Variants in CWF19L2 observed in about 807,000 individuals in gnomAD.
CWF19L2 encodes CWF19-like protein 2.
In CWF19L2, 98 loss-of-function variants were observed where a neutral mutation model predicts 111.7. The ratio of observed to expected loss-of-function variants is 0.88; its 90% CI spans 0.75 to 1.04. The LOEUF is 1.04. CWF19L2 is among the 50% of genes least tolerant of loss of function. CWF19L2 has a pLI of 0.00. For missense variants in CWF19L2, 1,101 were observed against 1,051.4 expected, an observed-to-expected ratio of 1.05 and a Z score of -0.65; for synonymous variants, 351 against 342.9, an observed-to-expected ratio of 1.02 and a Z score of -0.26.
intron 13 of CWF19L2, among the ~76,000 whole-genome samples, chr11:107,352,223 C>T (rs1860165681): frequency 6.6e-6 from 1 of 152,106 alleles, no homozygotes; most frequent in Non-Finnish European, 1.5e-5. Flanking sequence ...CATACTTCTT[C>T]CAGAAAGCCT....
rs953691512 is a variant in CWF19L2 at position 107,371,779 on chromosome 11, C to T, written c.1873-18043G>A. Among the ~76,000 whole-genome samples, 39 of 136,746 alleles carry T rather than the reference C, an allele frequency of 2.9e-4. 11 individuals are homozygous for T. Among genetic ancestry groups the T allele is most frequent in the African/African-American group, 1.1e-3 (37 of 34,106 alleles). The allele number at this position is 136,746 out of a possible 152,430, so 89.7% of individuals were successfully genotyped here. ...TGAAGATGACAATTTCTCCGCAGCT[C>T]GGTCATTGCTGTCACCATTCTGACA... On this transcript the variant is annotated intron_variant, in intron 12 of 17. Coordinates refer to ENST00000282251, the MANE Select transcript of CWF19L2 (RefSeq NM_152434.3).
chr11:107,330,550 T>G (rs1312413827), intron 16 of CWF19L2, among the ~76,000 whole-genome samples: 1 of 151,728 alleles, frequency 6.6e-6, no homozygotes, highest in African/African-American at 2.4e-5. Flanking sequence ...TTTCAAAATA[T>G]CTCCAGGATT....
At chr11:107,412,632 C>T (rs1431021067) in intron 10 of CWF19L2, among the ~76,000 whole-genome samples, 4 of 152,170 alleles carry the variant, frequency 2.6e-5, no homozygotes, top group African/African-American at 9.7e-5. Context: ...TGAGCCAGTG[C>T]GCCCAGCCTA....
rs545588696 is a variant in CWF19L2, at chr11:107,403,090, T to C, written c.1618-10195A>G. 7.9e-5 allele frequency among the ~76,000 whole-genome samples: 12 copies of C among 151,276 alleles called. No homozygotes were observed. The South Asian group carries it at 2.3e-3, about 29-fold the overall frequency. ...AGGGATAAGAATGATACAATGCACT[T>C]TGGGGACTTTAGGGAAAGAGTGTGA... On this transcript the variant is annotated intron_variant, in intron 10 of 17. Transcript: ENST00000282251.
chr11:107,406,587 G>A (rs1297107949), intron 10 of CWF19L2, among the ~76,000 whole-genome samples: 1 of 152,012 alleles, frequency 6.6e-6, no homozygotes, highest in African/African-American at 2.4e-5. Context: ...ACTCCATGAA[G>A]GCATCATATA....
intron 13 of CWF19L2, among the ~76,000 whole-genome samples, chr11:107,350,234 G>C (rs1031515438): frequency 6.6e-6 from 1 of 152,056 alleles, no homozygotes; most frequent in Non-Finnish European, 1.5e-5. Flanking sequence ...TTACATGCTG[G>C]GCAGTGTTCT....
intron 16 of CWF19L2, among the ~76,000 whole-genome samples, chr11:107,331,797 A>C (rs1357681799): frequency 2.5e-4 from 38 of 152,224 alleles, no homozygotes; most frequent in Non-Finnish European, 2.6e-4. Context: ...TACTACTTTC[A>C]CACAAAGGCA....
At chr11:107,379,257 G>A (rs1306352610) in intron 12 of CWF19L2, among the ~76,000 whole-genome samples, 2 of 152,210 alleles carry the variant, frequency 1.3e-5, no homozygotes, top group African/African-American at 4.8e-5. Context: ...CTCAAATGAG[G>A]CAATTTTGCT....
intron 13 of CWF19L2, among the ~76,000 whole-genome samples, chr11:107,349,703 T>C (rs7129866): frequency 0.16 from 23,894 of 152,146 alleles, 2,156 homozygotes; most frequent in Middle Eastern, 0.26. Flanking sequence ...ATTTCTGTTA[T>C]ATTTTGCTGG....
chr11:107,402,032 T>C (rs1418029019), intron 10 of CWF19L2, among the ~76,000 whole-genome samples: 1 of 152,114 alleles, frequency 6.6e-6, no homozygotes, highest in South Asian at 2.1e-4. Context: ...TAGCCACATG[T>C]AGGAGAATGA....
At chr11:107,413,385 G>C (rs772646364) in intron 10 of CWF19L2, among the ~76,000 whole-genome samples, 20 of 151,460 alleles carry the variant, frequency 1.3e-4, no homozygotes, top group Non-Finnish European at 2.9e-4. Flanking sequence ...TAATGAAGAA[G>C]GGTGATGTCT....
chr11:107,360,027 T>C (rs1236446856), intron 12 of CWF19L2, among the ~76,000 whole-genome samples: 2 of 152,246 alleles, frequency 1.3e-5, no homozygotes, highest in African/African-American at 4.8e-5. Flanking sequence ...TGCATAGTGA[T>C]GAAGTCAGGG....
chr11:107,413,180 T>A (rs1861181629), intron 10 of CWF19L2, among the ~76,000 whole-genome samples: 1 of 152,140 alleles, frequency 6.6e-6, no homozygotes, highest in East Asian at 1.9e-4. Flanking sequence ...TGTACTCCTC[T>A]GGTAGGGGCT....
At chr11:107,392,202 G>T (rs931565287) in intron 11 of CWF19L2, among the ~76,000 whole-genome samples, 2 of 152,034 alleles carry the variant, frequency 1.3e-5, no homozygotes, top group African/African-American at 4.8e-5. Context: ...CAGTTCTTTT[G>T]TATATGCAAT....
chr11:107,412,430 T>C (rs1404694290), intron 10 of CWF19L2, among the ~76,000 whole-genome samples: 1 of 152,178 alleles, frequency 6.6e-6, no homozygotes, highest in Non-Finnish European at 1.5e-5. Context: ...AATCTCCGCC[T>C]CCCAGGTTCA....
At chr11:107,361,428 T>A (rs1289582770) in intron 12 of CWF19L2, among the ~76,000 whole-genome samples, 1 of 152,182 alleles carries the variant, frequency 6.6e-6, no homozygotes, top group Non-Finnish European at 1.5e-5. Context: ...TTTTTTATTG[T>A]TTTTGCTTAG....
At position 107,402,873 on chromosome 11, in the gene CWF19L2, GTATATATATATATATA is replaced by G. The variant is rs145828149; in HGVS notation, c.1618-9994_1618-9979del. Among the ~76,000 whole-genome samples the G allele has an allele frequency of 9.5e-5, 9 of 94,454 alleles. 1 individual carries two copies. Among genetic ancestry groups the G allele is most frequent in the African/African-American group, 3.4e-4 (7 of 20,714 alleles). 62.0% of individuals were successfully genotyped at this position (94,454 alleles called of 152,430 possible). A position where few individuals can be genotyped will look rare whatever the true frequency, so the allele number is the denominator to read the frequency against. On this transcript the variant is annotated intron_variant, in intron 10 of 17. Transcript: ENST00000282251. ...CGAGTGGATAAACAAACTGTGGTGTGTATATATATATATATATATATATATATATAATGGAATACTA... is the reference window on the plus strand; with the variant it reads ...CGAGTGGATAAACAAACTGTGGTGTGTATATATATATATAATGGAATACTA...
intron 16 of CWF19L2, among the ~76,000 whole-genome samples, chr11:107,331,057 A>G (rs1173132931): frequency 1.3e-5 from 2 of 152,172 alleles, no homozygotes; most frequent in Non-Finnish European, 2.9e-5. Flanking sequence ...CACACGTAAA[A>G]ATCTGTTCAC....
chr11:107,404,970 GC>G (rs1451997271), intron 10 of CWF19L2, among the ~76,000 whole-genome samples: 1 of 152,164 alleles, frequency 6.6e-6, no homozygotes, highest in Non-Finnish European at 1.5e-5. Flanking sequence ...TTCCCAATTT[GC>G]CATCACATTA....
Sources: gnomAD v4.1 joint callset for allele counts (sites outside exome capture counted in the v4.1 genomes callset) on GRCh38, gnomAD v4.1.1 for gene constraint, MANE v1.5 for transcripts, NCBI Gene and HGNC (gene_info 2026-07-23, HGNC 2026-07-21) for gene names.